The following KIF3C variants were observed in gnomAD, a reference collection of about 807,000 sequenced individuals.
KIF3C encodes the protein kinesin-like protein KIF3C.
Under a neutral mutation model 67.7 loss-of-function variants are expected in KIF3C, and 12 were observed. The observed-to-expected ratio is 0.18, with a 90% CI of 0.11 to 0.29. KIF3C has a LOEUF of 0.29. KIF3C is among the 10% of genes least tolerant of loss of function. The pLI is 1.00. For missense variants in KIF3C, 789 were observed against 1,059.6 expected, an observed-to-expected ratio of 0.74 and a Z score of 3.55; for synonymous variants, 393 against 426.2, an observed-to-expected ratio of 0.92 and a Z score of 0.96.
At position 25,982,020 on chromosome 2, in the gene KIF3C, G is replaced by C. The variant is rs746594712; in HGVS notation, c.-103C>G. 1 of 950,772 alleles carries C rather than the reference G, an allele frequency of 1.1e-6. No individual in the cohort carries two copies. Among genetic ancestry groups the C allele is most frequent in the Non-Finnish European group, 1.5e-6 (1 of 655,966 alleles). 58.9% of individuals were successfully genotyped at this position (950,772 alleles called of 1,614,324 possible). A position where few individuals can be genotyped will look rare whatever the true frequency, so the allele number is the denominator to read the frequency against. On this transcript the variant is annotated 5_prime_UTR_variant, in exon 1 of 8. Coordinates refer to ENST00000264712, the MANE Select transcript of KIF3C (RefSeq NM_002254.8). ...TCAGCGGGGCCGGCCCAGCCCCCAG[G>C]CGCAGCTCTTCAATCCGCATGCAGC...
chr2:25,943,865 A>C (rs1472752465), intron 5 of KIF3C, among the ~76,000 whole-genome samples: 1 of 141,574 alleles, frequency 7.1e-6, no homozygotes, highest in African/African-American at 2.7e-5. Context: ...AATTCTATCT[A>C]AAAAAAAAAA....
At chr2:25,979,238 T>A (rs980100959) in intron 1 of KIF3C, among the ~76,000 whole-genome samples, 23 of 152,104 alleles carry the variant, frequency 1.5e-4, no homozygotes, top group African/African-American at 4.8e-4. Flanking sequence ...CAATGCAACT[T>A]AATAGGTCTA....
intron 4 of KIF3C, 164 bp from the exon 5 acceptor site, chr2:25,952,069 A>C: frequency 1.7e-6 from 1 of 572,590 alleles, no homozygotes; most frequent in Admixed American, 2.7e-5. Flanking sequence ...AGGCGGGCGG[A>C]TCACGAGGTC....
chr2:25,931,174 C>T (rs1411702682), intron 5 of KIF3C, among the ~76,000 whole-genome samples: 1 of 151,934 alleles, frequency 6.6e-6, no homozygotes, highest in Non-Finnish European at 1.5e-5. Flanking sequence ...AACGTATCCC[C>T]TGCCAGGTGC....
chr2:25,951,871 C>A lies in KIF3C; in HGVS notation c.1924G>T (p.Glu642Ter). 6.2e-7 allele frequency: 1 copy of A among 1,614,012 alleles called. No homozygotes were observed. Among genetic ancestry groups the A allele is most frequent in the South Asian group, 1.1e-5 (1 of 91,070 alleles). Residue 642 changes from glutamate to a stop codon, truncating the protein, a stop_gained, in exon 5 of 8, where the codon GAG becomes TAG. Transcript: ENST00000264712. LOFTEE classifies it high-confidence loss of function. The stretch of plus-strand genomic sequence containing the variant: ...AGCCGGTTCATGATCTTGTTCTTCT[C>A]CTCCGGCGGGATGAAGTTCTCGATG... ...LIIENFIPPE[E>*]KNKIMNRLFL...
Position 25,982,352 on chromosome 2 carries a change from C to T in KIF3C, c.-435G>A. ...AGCGTGGGCTGCCGGTCGTGGGCGG[C>T]CGGGGGTCCCGGGCCTCCCGAGGGC... On this transcript the variant is annotated 5_prime_UTR_variant, in exon 1 of 8. Transcript: ENST00000264712. The T allele has an allele frequency of 2.5e-6, 1 of 398,996 alleles. No homozygotes were observed. Among genetic ancestry groups the T allele is most frequent in the Non-Finnish European group, 4.4e-6 (1 of 226,356 alleles). 24.7% of individuals were successfully genotyped at this position (398,996 alleles called of 1,614,324 possible). A position where few individuals can be genotyped will look rare whatever the true frequency, so the allele number is the denominator to read the frequency against.
chr2:25,928,957 G>A lies in KIF3C; in HGVS notation c.*21C>T. On this transcript the variant is annotated 3_prime_UTR_variant, in exon 8 of 8. Coordinates refer to ENST00000264712, the MANE Select transcript of KIF3C (RefSeq NM_002254.8). ...CCCCATCCCAGGAGTCTATTGGATG[G>A]GCAGCCTGACGTGATGGTTGTCACT... The A allele has an allele frequency of 1.2e-6, 2 of 1,606,226 alleles. No homozygotes were observed. The highest frequency in any genetic ancestry group is 8.5e-7 in the Non-Finnish European group (1 of 1,175,458).
In KIF3C at chr2:25,929,447, C is replaced by T. The variant is rs1458861950; in HGVS notation, c.2146G>A (p.Val716Met). 4 of 1,613,946 alleles carry T rather than the reference C, an allele frequency of 2.5e-6. No individual in the cohort carries two copies. The East Asian group carries it at 6.7e-5, about 27-fold the overall frequency. Residue 716 changes from valine (V) to methionine (M), a missense_variant, in exon 7 of 8, where the codon GTG becomes ATG. By Grantham distance (21) the Val-to-Met change is conservative. Around this residue, in one of 2 missense-constraint regions of KIF3C, gnomAD observed 648 missense variants for 807.8 expected, o/e 0.80. Coordinates refer to ENST00000264712, the MANE Select transcript of KIF3C (RefSeq NM_002254.8). ...AENIMFLELD[V>M]SPPAVFEMEF... ...ATCTCAAAGACAGCTGGAGGGGACA[C>T]ATCCAACTCCAGAAACATTATGTTT... is the stretch of plus-strand genomic sequence containing the variant.
chr2:25,963,668 T>G (rs574729549), intron 1 of KIF3C, among the ~76,000 whole-genome samples: 554 of 35,654 alleles, frequency 0.016, 5 homozygotes, highest in African/African-American at 0.052. Flanking sequence ...GCATGAAGTA[T>G]TATTATTATT....
intron 1 of KIF3C, among the ~76,000 whole-genome samples, chr2:25,976,299 A>G (rs1488923382): frequency 6.6e-6 from 1 of 152,130 alleles, no homozygotes; most frequent in African/African-American, 2.4e-5. Flanking sequence ...TCCAGCCAAG[A>G]ACCCCAGCTC....
intron 1 of KIF3C, among the ~76,000 whole-genome samples, chr2:25,967,020 C>T (rs990226864): frequency 3.3e-5 from 5 of 152,214 alleles, no homozygotes; most frequent in African/African-American, 1.2e-4. Flanking sequence ...AGCCCAATGT[C>T]CTTTTCTCTG....
chr2:25,980,587 G>A lies in KIF3C; in HGVS notation c.1331C>T (p.Pro444Leu), dbSNP rs145081324. 2.2e-5 allele frequency: 36 copies of A among 1,613,898 alleles called. No individual in the cohort carries two copies. In the South Asian group the frequency reaches 3.1e-4, roughly 14 times the overall value. Residue 444 changes from proline (P) to leucine (L), a missense_variant, in exon 1 of 8, where the codon CCG becomes CTG. Physicochemically the swap from Pro to Leu is moderately conservative, Grantham distance 98. This residue lies in a region of KIF3C where 648 missense variants were observed against 807.8 expected (regional missense o/e 0.80). Coordinates refer to ENST00000264712, the MANE Select transcript of KIF3C (RefSeq NM_002254.8). The surrounding 1 kb of genome is among the most constrained non-coding windows in gnomAD (Gnocchi z 7.6). ...EEDDNNNNHR[P>L]PQPILESALE... Reference sequence around the variant, plus strand: ...GGCTGACTCCAGGATGGGCTGGGGCGGGCGGTGGTTGTTGTTGTTGTCATC... The same window carrying A: ...GGCTGACTCCAGGATGGGCTGGGGCAGGCGGTGGTTGTTGTTGTTGTCATC...
At chr2:25,962,120 A>G (rs895448413) in intron 1 of KIF3C, among the ~76,000 whole-genome samples, 5 of 152,208 alleles carry the variant, frequency 3.3e-5, no homozygotes, top group African/African-American at 1.2e-4. Context: ...AGCAGTTTTT[A>G]GGACAAACGA....
intron 5 of KIF3C, among the ~76,000 whole-genome samples, chr2:25,949,130 C>T (rs546790873): frequency 6.6e-5 from 10 of 152,178 alleles, no homozygotes; most frequent in African/African-American, 2.4e-4. Flanking sequence ...TCTCATTTTT[C>T]GGAAGTACAG....
intron 1 of KIF3C, among the ~76,000 whole-genome samples, chr2:25,959,932 C>G (rs547484299): frequency 6.6e-6 from 1 of 152,302 alleles, no homozygotes; most frequent in South Asian, 2.1e-4. Context: ...GGTCACAGGT[C>G]TTCAGGAGCC....
chr2:25,967,017 T>C (rs1231921672), intron 1 of KIF3C, among the ~76,000 whole-genome samples: 2 of 152,206 alleles, frequency 1.3e-5, no homozygotes, highest in African/African-American at 4.8e-5. Flanking sequence ...CCAAGCCCAA[T>C]GTCCTTTTCT....
chr2:25,929,093 C>T (rs773532295), intron 7 of KIF3C, 22 bp from the exon 8 acceptor site: 35 of 1,600,050 alleles, frequency 2.2e-5, no homozygotes, highest in Admixed American at 6.7e-5. Flanking sequence ...ATGACGCAGG[C>T]GAAAGGGGAG....
At chr2:25,972,664 G>C (rs1270903154) in intron 1 of KIF3C, among the ~76,000 whole-genome samples, 1 of 152,218 alleles carries the variant, frequency 6.6e-6, no homozygotes, top group Non-Finnish European at 1.5e-5. Context: ...AACCAGATCA[G>C]CTTTGTGGAA....
chr2:25,970,667 C>CAAAA (rs397984116), intron 1 of KIF3C, among the ~76,000 whole-genome samples: 23 of 54,780 alleles, frequency 4.2e-4, no homozygotes, highest in East Asian at 1.5e-3. Context: ...AACTTTGTCT[C>CAAAA]AAAAAAAAAA....
Sources: gnomAD v4.1 joint callset for allele counts (sites outside exome capture counted in the v4.1 genomes callset) on GRCh38, gnomAD v4.1.1 for gene constraint, gnomAD v4.1.1 regional missense constraint, Gnocchi (gnomAD v3.1) non-coding constraint, MANE v1.5 for transcripts, NCBI Gene and HGNC (gene_info 2026-07-23, HGNC 2026-07-21) for gene names.